Variants in TBL1XR1 observed in about 807,000 individuals in gnomAD.
The protein encoded by TBL1XR1 is F-box-like/WD repeat-containing protein TBL1XR1.
Under a neutral mutation model 66.9 loss-of-function variants are expected in TBL1XR1, and 5 were observed. The ratio of observed to expected loss-of-function variants is 0.07; its 90% CI spans 0.04 to 0.16. The LOEUF (loss-of-function observed/expected upper bound fraction) is 0.16. TBL1XR1 is among the 10% of genes least tolerant of loss of function. The pLI is 1.00. For missense variants in TBL1XR1, 238 were observed against 623.2 expected, an observed-to-expected ratio of 0.38 and a Z score of 6.58; for synonymous variants, 210 against 206.0, an observed-to-expected ratio of 1.02 and a Z score of -0.17.
intron 2 of TBL1XR1, among the ~76,000 whole-genome samples, chr3:177,078,141 C>CT (rs1207210233): frequency 6.6e-6 from 1 of 152,164 alleles, no homozygotes; most frequent in African/African-American, 2.4e-5. Flanking sequence ...AAAAAGCAGT[C>CT]TGTCATGATC....
chr3:177,127,723 G>C (rs1002052536), intron 1 of TBL1XR1, among the ~76,000 whole-genome samples: 1 of 152,192 alleles, frequency 6.6e-6, no homozygotes, highest in Non-Finnish European at 1.5e-5. Context: ...ACACTATTGA[G>C]TCACTTTAAG....
chr3:177,035,911 T>C (rs1714717144), intron 12 of TBL1XR1, among the ~76,000 whole-genome samples: 2 of 152,194 alleles, frequency 1.3e-5, no homozygotes, highest in Non-Finnish European at 2.9e-5. Context: ...GTAAGATTAA[T>C]TCACAAAGGC....
intron 1 of TBL1XR1, chr3:177,120,725 G>A (rs1377546010): frequency 1.3e-5 from 2 of 151,926 alleles, no homozygotes; most frequent in African/African-American, 4.8e-5. Context: ...GAAAAGGGGG[G>A]CAACAGAATA....
At chr3:177,159,263 A>G (rs1731883665) in intron 1 of TBL1XR1, among the ~76,000 whole-genome samples, 1 of 152,188 alleles carries the variant, frequency 6.6e-6, no homozygotes, top group Non-Finnish European at 1.5e-5. Context: ...TGAAAGAAGT[A>G]GCTACTTGAA....
chr3:177,156,896 TAC>T (rs1171299445), intron 1 of TBL1XR1, among the ~76,000 whole-genome samples: 4 of 152,194 alleles, frequency 2.6e-5, no homozygotes, highest in Non-Finnish European at 5.9e-5. Context: ...AAGCACAAAA[TAC>T]ACAGTGTATG....
At chr3:177,078,579 C>A in intron 2 of TBL1XR1, 1 of 130,936 alleles carries the variant, frequency 7.6e-6, no homozygotes, top group African/African-American at 2.9e-5. Flanking sequence ...AAGAGTGAGA[C>A]CCCCATCTCA....
intron 1 of TBL1XR1, chr3:177,120,907 T>C (rs1726908515): frequency 6.6e-6 from 1 of 152,206 alleles, no homozygotes; most frequent in African/African-American, 2.4e-5. Flanking sequence ...ACTGGTCATA[T>C]TTTATACATG....
intron 2 of TBL1XR1, among the ~76,000 whole-genome samples, chr3:177,073,905 C>T (rs1479005053): frequency 6.6e-6 from 1 of 152,138 alleles, no homozygotes. Context: ...GGTTGCAATC[C>T]CTTTCCTTCT....
At chr3:177,154,593 C>T (rs954788794) in intron 1 of TBL1XR1, among the ~76,000 whole-genome samples, 4 of 152,002 alleles carry the variant, frequency 2.6e-5, no homozygotes, top group South Asian at 2.1e-4. Context: ...AACGGGGTTT[C>T]GCCATGTTGG....
At chr3:177,128,281 G>A (rs1057469997) in intron 1 of TBL1XR1, among the ~76,000 whole-genome samples, 7 of 152,138 alleles carry the variant, frequency 4.6e-5, no homozygotes, top group Admixed American at 6.5e-5. Context: ...CATTAGAACC[G>A]ATGTGAACTG....
chr3:177,195,002 C>T (rs561391815), intron 1 of TBL1XR1, among the ~76,000 whole-genome samples: 130 of 152,122 alleles, frequency 8.5e-4, no homozygotes, highest in African/African-American at 2.9e-3. Flanking sequence ...AATTTTTATG[C>T]CATTAACATG....
At chr3:177,122,394 G>C (rs1428188086) in intron 1 of TBL1XR1, among the ~76,000 whole-genome samples, 1 of 151,786 alleles carries the variant, frequency 6.6e-6, no homozygotes, top group Non-Finnish European at 1.5e-5. Flanking sequence ...ATAGAACTAA[G>C]AGAAGAGCAT....
chr3:177,035,506 C>T (rs552948514), intron 12 of TBL1XR1, among the ~76,000 whole-genome samples: 2 of 151,858 alleles, frequency 1.3e-5, no homozygotes, highest in Middle Eastern at 3.4e-3. Context: ...CTCCGTCCCC[C>T]GGGTTCACGC....
intron 14 of TBL1XR1, among the ~76,000 whole-genome samples, chr3:177,028,791 C>G (rs1713523188): frequency 6.6e-6 from 1 of 152,026 alleles, no homozygotes; most frequent in Non-Finnish European, 1.5e-5. Flanking sequence ...AGAATAACAA[C>G]AAGAGGGATT....
rs540601720 is a variant in TBL1XR1, at chr3:177,038,361, G to C, written c.999C>G (p.Val333=). 1 of 1,590,310 alleles carries C rather than the reference G, an allele frequency of 6.3e-7. No homozygotes were observed. The highest frequency in any genetic ancestry group is 1.3e-5 in the African/African-American group (1 of 74,638). Residue 333 remains valine, a synonymous_variant, in exon 11 of 16, where the codon GTC becomes GTG. Transcript: ENST00000457928. ...ASCSTDMCIH[V]CKLGQDRPIK... ...TAGGTCTGTCTTGTCCTAATTTACA[G>C]ACATGAATGCACATATCTGTACTAC...
chr3:177,182,144 T>C (rs1734901329), intron 1 of TBL1XR1, among the ~76,000 whole-genome samples: 1 of 151,964 alleles, frequency 6.6e-6, no homozygotes, highest in Admixed American at 6.6e-5. Context: ...CCCAGCAGTT[T>C]GGGAAGCTAC....
intron 2 of TBL1XR1, among the ~76,000 whole-genome samples, chr3:177,098,009 C>T (rs1345020064): frequency 6.6e-6 from 1 of 152,132 alleles, no homozygotes; most frequent in Non-Finnish European, 1.5e-5. Context: ...GGGTTCGAGA[C>T]CAGCCTGGCC....
In TBL1XR1 at chr3:177,054,045, C is replaced by CGT. The variant is rs3046468; in HGVS notation, c.59-129_59-128dup. 2.4e-3 allele frequency: 1,468 copies of CGT among 615,426 alleles called. 6 individuals carry two copies. The highest frequency in any genetic ancestry group is 9.3e-3 in the South Asian group (395 of 42,356). 38.1% of individuals were successfully genotyped at this position (615,426 alleles called of 1,614,324 possible). A position where few individuals can be genotyped will look rare whatever the true frequency, so the allele number is the denominator to read the frequency against. On this transcript the variant is annotated intron_variant, in intron 3 of 15. Transcript: ENST00000457928. ...CCCATTTAAAATCCCAGACGAAGGT[C>CGT]GTGTGTGTGTGTGTGTGTGTGTGTG... is the stretch of plus-strand genomic sequence containing the variant.
chr3:177,056,637 T>C (rs1485518456), intron 3 of TBL1XR1, among the ~76,000 whole-genome samples: 1 of 152,224 alleles, frequency 6.6e-6, no homozygotes, highest in African/African-American at 2.4e-5. Flanking sequence ...CATAGCAGTT[T>C]AAAATTACTA....
Sources: gnomAD v4.1 joint callset for allele counts (sites outside exome capture counted in the v4.1 genomes callset) on GRCh38, gnomAD v4.1.1 for gene constraint, MANE v1.5 for transcripts, NCBI Gene and HGNC (gene_info 2026-07-23, HGNC 2026-07-21) for gene names.